JMJD1C: variants seen among roughly 807,000 people sequenced by gnomAD.
JMJD1C encodes jumonji domain containing 1C, also known as jumonji domain-containing protein 1C.
Under a neutral mutation model 245.3 loss-of-function variants are expected in JMJD1C, and 31 were observed. The ratio of observed to expected loss-of-function variants is 0.13; its 90% CI spans 0.09 to 0.17. JMJD1C has a LOEUF of 0.17. Ranked by LOEUF, JMJD1C falls within the 10% of genes least tolerant of loss-of-function variation. JMJD1C has a pLI of 1.00. For synonymous variants in JMJD1C, 1,057 were observed against 1,017.4 expected (o/e 1.04, Z -0.74); for missense variants, 2,691 against 3,000.2 (o/e 0.90, Z 2.41).
chr10:63,442,145 GA>G (rs1484558418), intron 1 of JMJD1C, among the ~76,000 whole-genome samples: 1 of 152,154 alleles, frequency 6.6e-6, no homozygotes, highest in African/African-American at 2.4e-5. Context: ...AAAGATTCAG[GA>G]AGACTGATCT....
intron 2 of JMJD1C, among the ~76,000 whole-genome samples, chr10:63,378,435 C>T (rs563071040): frequency 6.6e-6 from 1 of 151,890 alleles, no homozygotes; most frequent in Non-Finnish European, 1.5e-5. Context: ...ACTGAAAATA[C>T]AAAAAAATTA....
intron 1 of JMJD1C, among the ~76,000 whole-genome samples, chr10:63,421,159 A>AC (rs774846827): frequency 1.8e-4 from 27 of 152,102 alleles, no homozygotes; most frequent in Admixed American, 3.9e-4. Flanking sequence ...ACATGGTGAA[A>AC]CCCCATCTCT....
intron 3 of JMJD1C, among the ~76,000 whole-genome samples, chr10:63,231,839 T>C (rs1850050030): frequency 6.6e-6 from 1 of 152,156 alleles, no homozygotes; most frequent in Non-Finnish European, 1.5e-5. Context: ...CTATCTCCTT[T>C]ACTCTTTTTT....
intron 2 of JMJD1C, among the ~76,000 whole-genome samples, chr10:63,286,224 C>T (rs1479747689): frequency 6.6e-6 from 1 of 152,192 alleles, no homozygotes; most frequent in Admixed American, 6.5e-5. Context: ...GAGACACACA[C>T]TATTTTGCTC....
intron 1 of JMJD1C, among the ~76,000 whole-genome samples, chr10:63,431,721 T>G (rs1950760003): frequency 6.6e-6 from 1 of 152,156 alleles, no homozygotes. Context: ...TGTGAAAAAG[T>G]ACTCACTTGC....
rs148353260 is a variant in JMJD1C, at chr10:63,269,193, C to T, written c.334-4429G>A. The T allele has an allele frequency of 2.8e-4, 278 of 985,426 alleles. 1 individual carries two copies. In the East Asian group the frequency reaches 0.013, roughly 47 times the overall value. The allele number at this position is 985,426 out of a possible 1,614,324, so 61.0% of individuals were successfully genotyped here. ...GCGTGGAAACACAGTGCAGTAGCTT[C>T]CAACAGTGCAGACACCCAAATGAGA... On this transcript the variant is annotated intron_variant, in intron 2 of 25. Transcript: ENST00000399262.
At chr10:63,407,167 A>G (rs1446349915) in intron 1 of JMJD1C, among the ~76,000 whole-genome samples, 1 of 152,120 alleles carries the variant, frequency 6.6e-6, no homozygotes, top group African/African-American at 2.4e-5. Context: ...AGACTCTCAG[A>G]TTTCTCCCTG....
intron 1 of JMJD1C, among the ~76,000 whole-genome samples, chr10:63,441,936 GAATAACATGTACTAGACATTTA>G (rs1258923950): frequency 1.3e-5 from 2 of 152,124 alleles, no homozygotes; most frequent in Non-Finnish European, 2.9e-5. Flanking sequence ...AGACCCAAGT[GAATAACATGTACTAGACATTTA>G]AATATTCAAG....
chr10:63,449,744 A>T lies in JMJD1C; in HGVS notation c.168+15751T>A, dbSNP rs868836450. ...ACATGAATAGCTGGAGGGATACTAC[A>T]TGTTATTTGAAGTGCAGACTCAGTA... On this transcript the variant is annotated intron_variant, in intron 1 of 25. Coordinates refer to ENST00000399262, the MANE Select transcript of JMJD1C (RefSeq NM_032776.3). 1.3e-4 allele frequency among the ~76,000 whole-genome samples: 20 copies of T among 152,282 alleles called. No individual in the cohort carries two copies. In the Middle Eastern group the frequency reaches 0.01, roughly 78 times the overall value.
chr10:63,190,926 C>T lies in JMJD1C; in HGVS notation c.6259G>A (p.Ala2087Thr). The change falls in exon 17 of 26, where the codon GCC becomes ACC. Residue 2087 changes from alanine (A) to threonine (T), a missense_variant. Ala to Thr is a moderately conservative substitution (Grantham distance 58, BLOSUM62 0). Around this residue, in one of 9 missense-constraint regions of JMJD1C, gnomAD observed 275 missense variants for 285.5 expected, o/e 0.96. Coordinates refer to ENST00000399262, the MANE Select transcript of JMJD1C (RefSeq NM_032776.3). ...LRVGSTDAGI[A>T]FAPVYSMGAP... The stretch of plus-strand genomic sequence containing the variant: ...CCCATTGAATATACTGGGGCAAAGG[C>T]AATGCCAGCATCTGTAGACCCCACA... 1 of 1,614,038 alleles carries T rather than the reference C, an allele frequency of 6.2e-7. No homozygotes were observed. Among genetic ancestry groups the T allele is most frequent in the Non-Finnish European group, 8.5e-7 (1 of 1,179,918 alleles).
intron 5 of JMJD1C, 117 bp from the exon 6 acceptor site, chr10:63,215,813 T>TA: frequency 3.2e-6 from 2 of 620,464 alleles, no homozygotes; most frequent in Non-Finnish European, 5.1e-6. Flanking sequence ...CCCTAATTTA[T>TA]AAGATGCTGT....
chr10:63,462,569 A>C (rs1483833912), intron 1 of JMJD1C, among the ~76,000 whole-genome samples: 1 of 152,220 alleles, frequency 6.6e-6, no homozygotes, highest in Non-Finnish European at 1.5e-5. Flanking sequence ...GATTATGTCA[A>C]TTGGCCCAAA....
chr10:63,409,635 G>GT (rs989002358), intron 1 of JMJD1C, among the ~76,000 whole-genome samples: 2 of 152,176 alleles, frequency 1.3e-5, no homozygotes, highest in African/African-American at 4.8e-5. Context: ...ATCTGAGAAG[G>GT]TAAGATTGTA....
intron 1 of JMJD1C, among the ~76,000 whole-genome samples, chr10:63,501,833 A>G (rs1954571539): frequency 6.6e-6 from 1 of 152,146 alleles, no homozygotes; most frequent in African/African-American, 2.4e-5. Context: ...CTGCCACATG[A>G]TTGCTTTATT....
intron 3 of JMJD1C, among the ~76,000 whole-genome samples, chr10:63,244,396 C>A (rs1851901529): frequency 1.3e-5 from 2 of 152,082 alleles, no homozygotes; most frequent in Non-Finnish European, 2.9e-5. Flanking sequence ...CTGGGGAAAA[C>A]AAGAAAGGTA....
At chr10:63,336,092 G>C (rs1473936741) in intron 2 of JMJD1C, among the ~76,000 whole-genome samples, 3 of 152,130 alleles carry the variant, frequency 2.0e-5, no homozygotes, top group Non-Finnish European at 4.4e-5. Context: ...CTGCACTCCA[G>C]CCTGAGTGAC....
At chr10:63,246,569 T>C (rs938782029) in intron 3 of JMJD1C, among the ~76,000 whole-genome samples, 1 of 152,066 alleles carries the variant, frequency 6.6e-6, no homozygotes, top group East Asian at 1.9e-4. Context: ...ACCACCAGAC[T>C]CATCTTACAG....
intron 2 of JMJD1C, among the ~76,000 whole-genome samples, chr10:63,271,895 C>G (rs903355931): frequency 6.6e-6 from 1 of 151,916 alleles, no homozygotes; most frequent in Non-Finnish European, 1.5e-5. Context: ...GCCATCATGG[C>G]AAACCCCGTT....
chr10:63,269,087 T>G, intron 2 of JMJD1C: 1 of 985,422 alleles, frequency 1.0e-6, no homozygotes, highest in South Asian at 4.7e-5. Flanking sequence ...TCGAGGTCGC[T>G]TACATAACCA....
Sources: allele counts gnomAD v4.1 joint callset (sites outside exome capture counted in the v4.1 genomes callset), GRCh38; gene constraint gnomAD v4.1.1; regional missense constraint gnomAD v4.1.1; transcripts MANE v1.5; gene names NCBI Gene and HGNC (gene_info 2026-07-23, HGNC 2026-07-21).